Variants in LRP1B observed in about 807,000 individuals in gnomAD.
The protein encoded by LRP1B is low-density lipoprotein receptor-related protein 1B.
LRP1B carries 217 observed loss-of-function variants against 556.6 expected under a neutral mutation model. The ratio of observed to expected loss-of-function variants is 0.39; its 90% CI spans 0.35 to 0.44. The LOEUF (loss-of-function observed/expected upper bound fraction) is 0.44, where lower values mean the gene tolerates loss of function less well. Ranked by LOEUF, LRP1B falls within the 20% of genes least tolerant of loss-of-function variation. The pLI is 1.00. For missense variants in LRP1B, 5,053 were observed against 5,620.8 expected (o/e 0.90, Z 3.23); for synonymous variants, 2,047 against 1,865.8 (o/e 1.10, Z -2.50).
At chr2:140,287,347 G>A (rs1346816781) in intron 84 of LRP1B, among the ~76,000 whole-genome samples, 1 of 151,730 alleles carries the variant, frequency 6.6e-6, no homozygotes, top group Non-Finnish European at 1.5e-5. Flanking sequence ...AGTTCTTCAT[G>A]GTCTAGAGGT....
chr2:141,103,625 C>T (rs778631849), intron 7 of LRP1B, among the ~76,000 whole-genome samples: 3 of 149,360 alleles, frequency 2.0e-5, no homozygotes, highest in East Asian at 2.0e-4. Context: ...GTTTTCTTTG[C>T]CAATAGACAA....
intron 66 of LRP1B, among the ~76,000 whole-genome samples, chr2:140,416,919 T>A (rs1573913106): frequency 6.6e-6 from 1 of 152,222 alleles, no homozygotes; most frequent in East Asian, 1.9e-4. Context: ...AAAACAAAGG[T>A]CATCTGAGAG....
intron 3 of LRP1B, among the ~76,000 whole-genome samples, chr2:141,461,347 C>G (rs759184068): frequency 7.2e-5 from 11 of 152,130 alleles, no homozygotes; most frequent in Non-Finnish European, 1.3e-4. Context: ...ACAGATACTA[C>G]TGATGAACTT....
intron 7 of LRP1B, among the ~76,000 whole-genome samples, chr2:141,098,396 T>C (rs1447115251): frequency 1.3e-5 from 2 of 152,340 alleles, no homozygotes; most frequent in East Asian, 3.9e-4. Flanking sequence ...TCTATTTGGA[T>C]AATTATTGTA....
chr2:140,285,090 T>C (rs1008870539), intron 84 of LRP1B, among the ~76,000 whole-genome samples: 11 of 149,958 alleles, frequency 7.3e-5, no homozygotes, highest in African/African-American at 2.2e-4. Context: ...ATAATCCCTA[T>C]ATCTCTCTCT....
At chr2:141,798,075 G>A (rs1024640063) in intron 2 of LRP1B, among the ~76,000 whole-genome samples, 2 of 152,162 alleles carry the variant, frequency 1.3e-5, no homozygotes, top group Non-Finnish European at 2.9e-5. Flanking sequence ...TTATACCTAT[G>A]TAAGGGTTAT....
At chr2:140,242,882 G>T (rs1681011183) in intron 87 of LRP1B, among the ~76,000 whole-genome samples, 1 of 151,126 alleles carries the variant, frequency 6.6e-6, no homozygotes, top group Admixed American at 6.6e-5. Flanking sequence ...TTTTTAAAAG[G>T]ATGATGTTGA....
At chr2:141,049,654 C>A (rs997721147) in intron 10 of LRP1B, among the ~76,000 whole-genome samples, 20 of 151,976 alleles carry the variant, frequency 1.3e-4, no homozygotes, top group Non-Finnish European at 1.5e-5. Context: ...ACACACCAAC[C>A]CCAAGTTTGC....
At chr2:140,255,357 T>C (rs182217395) in intron 86 of LRP1B, among the ~76,000 whole-genome samples, 2 of 152,296 alleles carry the variant, frequency 1.3e-5, no homozygotes, top group East Asian at 3.9e-4. Context: ...TAAAATGCTA[T>C]AAAATATTAC....
intron 58 of LRP1B, among the ~76,000 whole-genome samples, chr2:140,486,759 AATCT>A (rs1487648033): frequency 5.9e-5 from 9 of 152,008 alleles, no homozygotes; most frequent in African/African-American, 1.9e-4. Flanking sequence ...GGCTCAAATT[AATCT>A]ATCACCATTA....
intron 41 of LRP1B, among the ~76,000 whole-genome samples, chr2:140,619,632 T>G (rs2105247040): frequency 6.6e-6 from 1 of 152,292 alleles, no homozygotes; most frequent in South Asian, 2.1e-4. Flanking sequence ...TAACCAGCAG[T>G]TCCTTAACTG....
At chr2:141,057,420 C>T (rs368279164) in intron 9 of LRP1B, among the ~76,000 whole-genome samples, 4 of 151,744 alleles carry the variant, frequency 2.6e-5, no homozygotes, top group Admixed American at 2.0e-4. Flanking sequence ...CTTGTTCATC[C>T]CACCACCTGC....
chr2:140,773,128 G>C (rs1392842673), intron 33 of LRP1B, among the ~76,000 whole-genome samples: 1 of 151,708 alleles, frequency 6.6e-6, no homozygotes, highest in Non-Finnish European at 1.5e-5. Flanking sequence ...AAAACAAGAA[G>C]TAAAGAGAAA....
intron 2 of LRP1B, among the ~76,000 whole-genome samples, chr2:141,680,959 A>G (rs1347785436): frequency 2.0e-5 from 3 of 152,130 alleles, no homozygotes; most frequent in Non-Finnish European, 4.4e-5. Context: ...TTTTGCCACA[A>G]ACTCAGTTAT....
intron 5 of LRP1B, among the ~76,000 whole-genome samples, chr2:141,232,188 T>C (rs138498832): frequency 5.0e-4 from 76 of 152,316 alleles, no homozygotes; most frequent in African/African-American, 1.6e-3. Context: ...GTCTCCCCTC[T>C]ACTCCTACTT....
chr2:141,084,300 G>A (rs766529841), intron 7 of LRP1B, among the ~76,000 whole-genome samples: 4 of 152,040 alleles, frequency 2.6e-5, no homozygotes, highest in Non-Finnish European at 4.4e-5. Flanking sequence ...TTGGTTAGAG[G>A]GTACAGAAGT....
intron 66 of LRP1B, among the ~76,000 whole-genome samples, chr2:140,433,728 A>G (rs781560359): frequency 2.6e-5 from 4 of 152,176 alleles, no homozygotes; most frequent in Admixed American, 6.5e-5. Context: ...TAAAACATAC[A>G]GTTCACATAC....
At chr2:141,901,089 A>G (rs1306208520) in intron 1 of LRP1B, among the ~76,000 whole-genome samples, 1 of 152,024 alleles carries the variant, frequency 6.6e-6, no homozygotes, top group Non-Finnish European at 1.5e-5. Context: ...TCTTGGCTAT[A>G]TTCATTTATC....
intron 66 of LRP1B, among the ~76,000 whole-genome samples, chr2:140,390,842 A>G (rs1683985969): frequency 2.0e-5 from 3 of 151,750 alleles, no homozygotes; most frequent in South Asian, 2.1e-4. Flanking sequence ...TCTCAAAATC[A>G]TTAGTCATCA....
Sources: gnomAD v4.1 joint callset for allele counts (sites outside exome capture counted in the v4.1 genomes callset) on GRCh38, gnomAD v4.1.1 for gene constraint, MANE v1.5 for transcripts, NCBI Gene and HGNC (gene_info 2026-07-23, HGNC 2026-07-21) for gene names.